The following YTHDF3 variants were observed in gnomAD, a reference collection of about 807,000 sequenced individuals.
YTHDF3 encodes the protein YTH domain-containing family protein 3.
In YTHDF3, 9 loss-of-function variants were observed where a neutral mutation model predicts 52.5. The observed-to-expected ratio is 0.17, with a 90% confidence interval of 0.10 to 0.30. YTHDF3 has a LOEUF of 0.30. Among genes scored for constraint, YTHDF3 ranks in the 10% least tolerant of loss-of-function variants. The probability of loss-of-function intolerance (pLI) is 1.00; values close to 1 mark genes in which losing one functional copy is unlikely to be tolerated. For missense variants in YTHDF3, 534 were observed against 715.0 expected (o/e 0.75, Z 2.89); for synonymous variants, 274 against 243.3 (o/e 1.13, Z -1.18).
At chr8:63,182,953 A>G (rs1183276821) in intron 3 of YTHDF3, among the ~76,000 whole-genome samples, 1 of 105,272 alleles carries the variant, frequency 9.5e-6, no homozygotes, top group East Asian at 3.6e-4. Flanking sequence ...AGACAGTTTT[A>G]TCTTTTTTTT....
intron 4 of YTHDF3, among the ~76,000 whole-genome samples, chr8:63,199,692 T>TA (rs1477399718): frequency 1.3e-5 from 2 of 152,358 alleles, no homozygotes; most frequent in Non-Finnish European, 1.5e-5. Flanking sequence ...GAGCTGTAGT[T>TA]ACCGAAGATA....
At chr8:63,194,284 G>C (rs533811481) in intron 4 of YTHDF3, among the ~76,000 whole-genome samples, 1 of 152,240 alleles carries the variant, frequency 6.6e-6, no homozygotes, top group Admixed American at 6.5e-5. Flanking sequence ...AGGAGTTTGA[G>C]ATCAGCCTGG....
Position 63,209,906 on chromosome 8 carries a change from CT to C in YTHDF3, c.*201del. 1 of 495,820 alleles carries C rather than the reference CT, an allele frequency of 2.0e-6. No homozygotes were observed. The highest frequency in any genetic ancestry group is 3.5e-6 in the Non-Finnish European group (1 of 286,740). 30.7% of individuals were successfully genotyped at this position (495,820 alleles called of 1,614,324 possible). A position where few individuals can be genotyped will look rare whatever the true frequency, so the allele number is the denominator to read the frequency against. ...ACTCTTCACCAAACACACTTGAGAA[CT>C]GTAACTTCGTCAAGCACTTTCTGTC... On this transcript the variant is annotated 3_prime_UTR_variant, in exon 5 of 5. Transcript: ENST00000539294.
intron 4 of YTHDF3, among the ~76,000 whole-genome samples, chr8:63,188,251 A>T (rs1345424653): frequency 6.6e-6 from 1 of 151,714 alleles, no homozygotes; most frequent in African/African-American, 2.4e-5. Context: ...CCTGCCTTAG[A>T]CTCCCAAGTA....
chr8:63,184,240 A>T (rs960274308), intron 3 of YTHDF3, among the ~76,000 whole-genome samples: 1 of 152,250 alleles, frequency 6.6e-6, no homozygotes, highest in Admixed American at 6.5e-5. Flanking sequence ...GTACTGTAAA[A>T]TATACTTTTA....
At chr8:63,178,530 C>T (rs974517731) in intron 3 of YTHDF3, among the ~76,000 whole-genome samples, 3 of 152,144 alleles carry the variant, frequency 2.0e-5, no homozygotes, top group African/African-American at 7.2e-5. Flanking sequence ...TGTTTTAACT[C>T]ATGATATTTG....
At chr8:63,204,362 T>G (rs1477110360) in intron 4 of YTHDF3, among the ~76,000 whole-genome samples, 3 of 128,464 alleles carry the variant, frequency 2.3e-5, no homozygotes, top group African/African-American at 5.8e-5. Flanking sequence ...GTGTTTGTTG[T>G]TTTTTTTTTT....
chr8:63,201,001 G>A (rs1306369743), intron 4 of YTHDF3, among the ~76,000 whole-genome samples: 1 of 152,166 alleles, frequency 6.6e-6, no homozygotes, highest in East Asian at 1.9e-4. Context: ...TTGTTATTCA[G>A]CAGGCATTTT....
rs1405038369 is a variant in YTHDF3, at chr8:63,210,347, T to A, written c.*641T>A. ...TGTAACAGAATATTGATATGCAGCT[T>A]GGTGGATTTCACCAGTTAATGCACA... On this transcript the variant is annotated 3_prime_UTR_variant, in exon 5 of 5. Transcript: ENST00000539294. 6.6e-6 allele frequency: 1 copy of A among 152,606 alleles called. No homozygotes were observed. The highest frequency in any genetic ancestry group is 1.5e-5 in the Non-Finnish European group (1 of 68,016). The allele number at this position is 152,606 out of a possible 1,614,324, so 9.5% of individuals were successfully genotyped here.
At chr8:63,193,414 T>C (rs1321708582) in intron 4 of YTHDF3, among the ~76,000 whole-genome samples, 1 of 150,742 alleles carries the variant, frequency 6.6e-6, no homozygotes, top group Non-Finnish European at 1.5e-5. Flanking sequence ...CAGCCATGTT[T>C]CTTAAAAGAC....
chr8:63,169,503 T>G (rs1246471485), intron 2 of YTHDF3, 92 bp downstream of exon 2: 9 of 1,381,996 alleles, frequency 6.5e-6, no homozygotes, highest in Non-Finnish European at 7.9e-6. Flanking sequence ...TTTTGCTCCC[T>G]CTTGGGAAAA....
At chr8:63,169,135 T>G in intron 1 of YTHDF3, 1 of 1,433,036 alleles carries the variant, frequency 7.0e-7, no homozygotes, top group Non-Finnish European at 9.1e-7. Flanking sequence ...TTAGGGGCCT[T>G]AGGACAGATC....
intron 3 of YTHDF3, among the ~76,000 whole-genome samples, chr8:63,185,179 CT>C (rs879541866): frequency 2.5e-3 from 359 of 144,324 alleles, no homozygotes; most frequent in Admixed American, 4.7e-3. Context: ...TAGTTTCAGA[CT>C]TTTTTTTTTT....
chr8:63,177,059 A>G (rs560033724), intron 3 of YTHDF3, among the ~76,000 whole-genome samples: 1 of 152,330 alleles, frequency 6.6e-6, no homozygotes, highest in South Asian at 2.1e-4. Flanking sequence ...TGGAAAACTG[A>G]ATGAAGTTTG....
intron 4 of YTHDF3, among the ~76,000 whole-genome samples, chr8:63,196,920 G>A (rs1051152868): frequency 6.6e-6 from 1 of 152,118 alleles, no homozygotes; most frequent in African/African-American, 2.4e-5. Flanking sequence ...GTAGCACCTG[G>A]TTATACTAGA....
chr8:63,203,520 C>A (rs1809781949), intron 4 of YTHDF3, among the ~76,000 whole-genome samples: 1 of 152,144 alleles, frequency 6.6e-6, no homozygotes, highest in African/African-American at 2.4e-5. Flanking sequence ...TCAGAGATTA[C>A]AGGGAATTTC....
chr8:63,187,784 T>C, intron 4 of YTHDF3, 39 bp downstream of exon 4: 2 of 1,534,464 alleles, frequency 1.3e-6, no homozygotes, highest in Admixed American at 4.3e-5. Context: ...GTCTTTGTAT[T>C]GCTGGTGGGG....
chr8:63,207,120 A>T (rs1232994777), intron 4 of YTHDF3, among the ~76,000 whole-genome samples: 1 of 152,154 alleles, frequency 6.6e-6, no homozygotes, highest in Admixed American at 6.5e-5. Context: ...TTACTAATAT[A>T]TTTAAAATTG....
At chr8:63,195,932 C>G (rs1341534672) in intron 4 of YTHDF3, among the ~76,000 whole-genome samples, 1 of 152,014 alleles carries the variant, frequency 6.6e-6, no homozygotes, top group African/African-American at 2.4e-5. Context: ...CTCCCAAGTA[C>G]CTGTGACTAC....
Sources: gnomAD v4.1 joint callset for allele counts (sites outside exome capture counted in the v4.1 genomes callset) on GRCh38, gnomAD v4.1.1 for gene constraint, MANE v1.5 for transcripts, NCBI Gene and HGNC (gene_info 2026-07-23, HGNC 2026-07-21) for gene names.